CNTNAP2: variants seen among roughly 807,000 people sequenced by gnomAD.
The protein encoded by CNTNAP2 is contactin associated protein 2.
In CNTNAP2, 98 loss-of-function variants were observed where a neutral mutation model predicts 155.2. The observed-to-expected ratio is 0.63, with a 90% CI of 0.54 to 0.75. The LOEUF is 0.75. Ranked by LOEUF, CNTNAP2 falls within the 30% of genes least tolerant of loss-of-function variation. The probability of loss-of-function intolerance (pLI) is 0.00; values close to 1 mark genes in which losing one functional copy is unlikely to be tolerated. For synonymous variants in CNTNAP2, 651 were observed against 631.2 expected (o/e 1.03, Z -0.47); for missense variants, 1,727 against 1,688.1 (o/e 1.02, Z -0.40).
chr7:148,069,773 A>AAAAG (rs1199546348), intron 15 of CNTNAP2, among the ~76,000 whole-genome samples: 6 of 151,728 alleles, frequency 4.0e-5, no homozygotes, highest in East Asian at 1.9e-4. Context: ...AAAAAAAAAA[A>AAAAG]AAAGAAAGAA....
At chr7:147,457,291 G>A (rs1426996305) in intron 10 of CNTNAP2, among the ~76,000 whole-genome samples, 1 of 152,128 alleles carries the variant, frequency 6.6e-6, no homozygotes, top group Non-Finnish European at 1.5e-5. Flanking sequence ...GAAAATTAAA[G>A]CTCACCAGAC....
intron 13 of CNTNAP2, among the ~76,000 whole-genome samples, chr7:147,682,503 A>C (rs1795961010): frequency 6.6e-6 from 1 of 151,978 alleles, no homozygotes; most frequent in South Asian, 2.1e-4. Flanking sequence ...GTTATTAATT[A>C]CAAAATTTAA....
chr7:148,033,339 C>A (rs945223070), intron 15 of CNTNAP2, among the ~76,000 whole-genome samples: 8 of 141,046 alleles, frequency 5.7e-5, no homozygotes, highest in African/African-American at 1.9e-4. Flanking sequence ...CCCTTAAGAT[C>A]CTTTTTTTTC....
At chr7:147,580,722 T>C (rs1447492239) in intron 12 of CNTNAP2, among the ~76,000 whole-genome samples, 1 of 152,024 alleles carries the variant, frequency 6.6e-6, no homozygotes, top group Admixed American at 6.6e-5. Context: ...TTCAAGCGAT[T>C]CTCCTGCTTC....
chr7:146,742,553 G>A (rs1488557134), intron 1 of CNTNAP2, among the ~76,000 whole-genome samples: 1 of 152,162 alleles, frequency 6.6e-6, no homozygotes, highest in Non-Finnish European at 1.5e-5. Context: ...GATTAGCATG[G>A]GGTTGTCCTT....
At chr7:146,823,239 A>G (rs1430401372) in intron 2 of CNTNAP2, among the ~76,000 whole-genome samples, 1 of 150,182 alleles carries the variant, frequency 6.7e-6, no homozygotes, top group Non-Finnish European at 1.5e-5. Context: ...TCTTCAGTAT[A>G]TTTAAATGTA....
chr7:147,484,450 C>T (rs560687390), intron 10 of CNTNAP2, among the ~76,000 whole-genome samples: 1 of 152,274 alleles, frequency 6.6e-6, no homozygotes, highest in South Asian at 2.1e-4. Context: ...TTTTTCATTT[C>T]TTCCTTGCAC....
At chr7:146,594,037 T>A (rs6976910) in intron 1 of CNTNAP2, among the ~76,000 whole-genome samples, 68,824 of 151,992 alleles carry the variant, frequency 0.45, 16,612 homozygotes, top group South Asian at 0.57. Context: ...TGGCCTGTCT[T>A]CAGCAAGAAT....
At chr7:147,727,604 T>A (rs1796665457) in intron 13 of CNTNAP2, among the ~76,000 whole-genome samples, 2 of 152,012 alleles carry the variant, frequency 1.3e-5, no homozygotes, top group African/African-American at 4.8e-5. Flanking sequence ...TTTAACAGCA[T>A]TCTCAAAAAC....
rs571813369 is a variant in CNTNAP2, at chr7:146,365,697, T to C, written c.97+248724T>C. Reference sequence around the variant, plus strand: ...CAAATGAAAAATGTGAACTATAATATGGCAATGAGTCAGTTGTGTTTTCTT... The same window carrying C: ...CAAATGAAAAATGTGAACTATAATACGGCAATGAGTCAGTTGTGTTTTCTT... On this transcript the variant is annotated intron_variant, in intron 1 of 23. Coordinates refer to ENST00000361727, the MANE Select transcript of CNTNAP2 (RefSeq NM_014141.6). Among the ~76,000 whole-genome samples, 3 of 152,338 alleles carry C rather than the reference T, an allele frequency of 2.0e-5. No individual in the cohort carries two copies. The South Asian group carries it at 6.2e-4, about 32-fold the overall frequency.
intron 1 of CNTNAP2, among the ~76,000 whole-genome samples, chr7:146,375,466 C>T (rs1021894824): frequency 1.3e-5 from 2 of 152,274 alleles, no homozygotes; most frequent in South Asian, 2.1e-4. Flanking sequence ...TTGCTGTTTG[C>T]GGTGTGAATT....
At chr7:147,894,130 G>A (rs548922008) in intron 13 of CNTNAP2, 1 of 152,228 alleles carries the variant, frequency 6.6e-6, no homozygotes, top group African/African-American at 2.4e-5. Flanking sequence ...TGTTATCTAG[G>A]ACATTTGCAC....
At chr7:146,229,642 T>A (rs977720676) in intron 1 of CNTNAP2, among the ~76,000 whole-genome samples, 2 of 152,180 alleles carry the variant, frequency 1.3e-5, no homozygotes, top group Admixed American at 1.3e-4. Flanking sequence ...AGTTGCCAAA[T>A]GCTACTGCTA....
intron 21 of CNTNAP2, among the ~76,000 whole-genome samples, chr7:148,350,204 C>T (rs11972668): frequency 0.65 from 98,100 of 152,060 alleles, 32,095 homozygotes; most frequent in East Asian, 0.95. Context: ...CGGATGTATT[C>T]GGTGTGGGGA....
At chr7:146,931,842 A>G (rs1251226007) in intron 3 of CNTNAP2, among the ~76,000 whole-genome samples, 1 of 152,164 alleles carries the variant, frequency 6.6e-6, no homozygotes, top group African/African-American at 2.4e-5. Context: ...TCTAGAAGAA[A>G]TGGATACATT....
intron 11 of CNTNAP2, among the ~76,000 whole-genome samples, chr7:147,545,206 T>C (rs958115010): frequency 6.6e-6 from 1 of 152,166 alleles, no homozygotes; most frequent in Non-Finnish European, 1.5e-5. Flanking sequence ...TTGTGGGCCC[T>C]GGGCACGATG....
At chr7:148,061,546 G>A (rs983855376) in intron 15 of CNTNAP2, among the ~76,000 whole-genome samples, 2 of 151,836 alleles carry the variant, frequency 1.3e-5, no homozygotes, top group Non-Finnish European at 2.9e-5. Flanking sequence ...GTAGAGACGA[G>A]GTTTCACCAT....
rs879600389 is a variant in CNTNAP2, at chr7:146,638,476, C to CTTTTTTTTTTTTTTTT, written c.98-135788_98-135773dup. Among the ~76,000 whole-genome samples the CTTTTTTTTTTTTTTTT allele has an allele frequency of 1.5e-3, 98 of 64,348 alleles. 7 individuals are homozygous for CTTTTTTTTTTTTTTTT. The highest frequency in any genetic ancestry group is 6.4e-3 in the East Asian group (12 of 1,886). The allele number at this position is 64,348 out of a possible 152,430, so 42.2% of individuals were successfully genotyped here. On this transcript the variant is annotated intron_variant, in intron 1 of 23. Transcript: ENST00000361727. Reference sequence around the variant, plus strand: ...AACAGTTTAATACAGTCAGGTGTTTCTTTTTTTTTTTTTTTTTTTTTTCTT... The same window carrying CTTTTTTTTTTTTTTTT: ...AACAGTTTAATACAGTCAGGTGTTTCTTTTTTTTTTTTTTTTTTTTTTTTTTTTTTTTTTTTTTCTT...
intron 10 of CNTNAP2, among the ~76,000 whole-genome samples, chr7:147,415,746 T>A (rs1162171419): frequency 2.0e-5 from 3 of 152,042 alleles, no homozygotes; most frequent in Non-Finnish European, 4.4e-5. Context: ...AATGTGAAAA[T>A]TCATAACAAG....
Sources: allele counts gnomAD v4.1 joint callset (sites outside exome capture counted in the v4.1 genomes callset), GRCh38; gene constraint gnomAD v4.1.1; transcripts MANE v1.5; gene names NCBI Gene and HGNC (gene_info 2026-07-23, HGNC 2026-07-21).